Variants in RNF24 observed in about 807,000 individuals in gnomAD.
The protein encoded by RNF24 is ring finger protein 24.
In RNF24, 14 loss-of-function variants were observed where a neutral mutation model predicts 20.0. The ratio of observed to expected loss-of-function variants is 0.70; its 90% confidence interval spans 0.46 to 1.10. The LOEUF is 1.10. Among genes scored for constraint, RNF24 ranks in the 50% least tolerant of loss-of-function variants. RNF24 has a pLI of 0.00. For synonymous variants in RNF24, 45 were observed against 61.1 expected (o/e 0.74, Z 1.23); for missense variants, 124 against 177.6 (o/e 0.70, Z 1.71).
At chr20:4,009,864 A>G (rs2122164662) in intron 1 of RNF24, among the ~76,000 whole-genome samples, 1 of 152,316 alleles carries the variant, frequency 6.6e-6, no homozygotes, top group South Asian at 2.1e-4. Flanking sequence ...AAATTTTTAA[A>G]GAGTAAACAA....
At chr20:3,963,358 A>G (rs2091223519) in intron 2 of RNF24, among the ~76,000 whole-genome samples, 2 of 151,646 alleles carry the variant, frequency 1.3e-5, no homozygotes, top group Non-Finnish European at 2.9e-5. Flanking sequence ...ACGCCCAGCT[A>G]ATTTTTGTAT....
rs1159902856 is a variant in RNF24, at chr20:3,939,322, AT to A, written c.229-4250del. Among the ~76,000 whole-genome samples the A allele has an allele frequency of 1.1e-4, 16 of 152,258 alleles. No homozygotes were observed. In the South Asian group the frequency reaches 3.3e-3, roughly 32 times the overall value. ...TATGTTTATGTCTGAGAGTTTTATA[AT>A]ATTAGCTGATACATTTAGGTCTTTG... On this transcript the variant is annotated intron_variant, in intron 4 of 5. Coordinates refer to ENST00000358395, the MANE Select transcript of RNF24 (RefSeq NM_001134337.3).
At chr20:3,978,378 T>G (rs1319163581) in intron 1 of RNF24, among the ~76,000 whole-genome samples, 1 of 84,890 alleles carries the variant, frequency 1.2e-5, no homozygotes, top group Non-Finnish European at 2.7e-5. Flanking sequence ...TAATGTATAT[T>G]TCAAAATAGC....
intron 2 of RNF24, among the ~76,000 whole-genome samples, chr20:3,962,437 C>G (rs1442985735): frequency 6.6e-6 from 1 of 151,958 alleles, no homozygotes; most frequent in Non-Finnish European, 1.5e-5. Context: ...AAGTGTAACA[C>G]AAAAATATAT....
intron 1 of RNF24, among the ~76,000 whole-genome samples, chr20:4,014,801 G>A (rs1322560289): frequency 2.0e-5 from 3 of 149,812 alleles, no homozygotes; most frequent in African/African-American, 4.9e-5. Context: ...AGAAACAAAG[G>A]AGGGTCCTTA....
At chr20:3,999,038 C>T (rs576227686) in intron 1 of RNF24, among the ~76,000 whole-genome samples, 75 of 152,192 alleles carry the variant, frequency 4.9e-4, no homozygotes, top group African/African-American at 1.7e-3. Context: ...CAAGATCAGG[C>T]CACTGCACTC....
chr20:3,976,705 C>T (rs990245674), intron 1 of RNF24, among the ~76,000 whole-genome samples: 1 of 152,080 alleles, frequency 6.6e-6, no homozygotes, highest in South Asian at 2.1e-4. Context: ...TAAAAAGAAA[C>T]AAACTATTGA....
chr20:3,958,944 G>A (rs1055522916), intron 2 of RNF24, among the ~76,000 whole-genome samples: 2 of 152,082 alleles, frequency 1.3e-5, no homozygotes, highest in African/African-American at 2.4e-5. Context: ...TCCCAGCCTC[G>A]ATTTTCCTCT....
chr20:3,996,378 G>A (rs933450350), intron 1 of RNF24, among the ~76,000 whole-genome samples: 8 of 152,080 alleles, frequency 5.3e-5, no homozygotes, highest in Admixed American at 1.3e-4. Flanking sequence ...TGTAGAGATC[G>A]GATCTTGTAT....
Position 3,934,604 on chromosome 20 carries a change from T to C in RNF24, c.308+390A>G, listed in dbSNP as rs7351221. 2.6e-4 allele frequency among the ~76,000 whole-genome samples: 40 copies of C among 152,288 alleles called. No individual in the cohort carries two copies. The East Asian group carries it at 7.5e-3, about 29-fold the overall frequency. On this transcript the variant is annotated intron_variant, in intron 5 of 5. Coordinates refer to ENST00000358395, the MANE Select transcript of RNF24 (RefSeq NM_001134337.3). The surrounding 1 kb of genome is among the most constrained non-coding windows in gnomAD (Gnocchi z 4.0). ...AGAATATTAATATGTCTGCAGGAAG[T>C]GGGAGGAGAGTGCCCCACACTACCA...
intron 1 of RNF24, among the ~76,000 whole-genome samples, chr20:4,007,728 C>G (rs1407397714): frequency 7.3e-6 from 1 of 137,014 alleles, no homozygotes; most frequent in Non-Finnish European, 1.6e-5. Flanking sequence ...ATAGTGAGAC[C>G]CTGTCTCTAC....
In RNF24 at chr20:4,014,749, ACACACAC is replaced by A. The variant is rs539467472; in HGVS notation, c.-8+681_-8+687del. Reference sequence around the variant, plus strand: ...CTTTCACTTGAATGCGCACACACACACACACACACACACACACACACACACACATCAT... The same window carrying A: ...CTTTCACTTGAATGCGCACACACACAACACACACACACACACACACATCAT... On this transcript the variant is annotated intron_variant, in intron 1 of 5. Transcript: ENST00000358395. 4.5e-3 allele frequency among the ~76,000 whole-genome samples: 687 copies of A among 151,100 alleles called. 13 individuals are homozygous for A. Among genetic ancestry groups the A allele is most frequent in the Admixed American group, 0.03 (449 of 15,202 alleles).
chr20:3,929,522 G>C lies in RNF24; in HGVS notation c.*4541C>G, dbSNP rs7270329. The C allele has an allele frequency of 0.38, 58,328 of 152,302 alleles. 12,463 individuals are homozygous for C. Among genetic ancestry groups the C allele is most frequent in the Non-Finnish European group, 0.48 (32,974 of 68,106 alleles). 9.4% of individuals were successfully genotyped at this position (152,302 alleles called of 1,614,324 possible). ...AAGATGTCTGCCCCACAAAATAGAA[G>C]CCTTCAGTTGCTGCTGCTCAAACTC... On this transcript the variant is annotated 3_prime_UTR_variant, in exon 6 of 6. Coordinates refer to ENST00000358395, the MANE Select transcript of RNF24 (RefSeq NM_001134337.3).
chr20:3,935,173 C>A, intron 4 of RNF24, 100 bp from the exon 5 acceptor site: 1 of 782,722 alleles, frequency 1.3e-6, no homozygotes, highest in Non-Finnish European at 2.1e-6. Context: ...TTTGAAGGGA[C>A]TCATGAGACT....
chr20:3,959,731 CCTGA>C (rs2091180997), intron 2 of RNF24, among the ~76,000 whole-genome samples: 1 of 152,128 alleles, frequency 6.6e-6, no homozygotes, highest in South Asian at 2.1e-4. Context: ...CTATTTTGAT[CCTGA>C]CTTTCATGTT....
chr20:3,944,923 T>C (rs1456519696), intron 4 of RNF24, among the ~76,000 whole-genome samples: 1 of 152,226 alleles, frequency 6.6e-6, no homozygotes, highest in Non-Finnish European at 1.5e-5. Flanking sequence ...TCATACAGCA[T>C]GGACGGCAAG....
At chr20:4,007,810 G>T (rs1212819125) in intron 1 of RNF24, among the ~76,000 whole-genome samples, 1 of 151,616 alleles carries the variant, frequency 6.6e-6, no homozygotes, top group Non-Finnish European at 1.5e-5. Context: ...CAGCTACTTG[G>T]GAGGTTGAGG....
intron 1 of RNF24, among the ~76,000 whole-genome samples, chr20:3,973,500 C>CAAAAA (rs56824542): frequency 5.2e-4 from 53 of 101,106 alleles, no homozygotes; most frequent in East Asian, 9.9e-4. Context: ...GGAAGAATGA[C>CAAAAA]AAAAAAAAAA....
Position 3,945,770 on chromosome 20 carries a change from G to T in RNF24, c.187-552C>A, listed in dbSNP as rs556865639. Among the ~76,000 whole-genome samples the T allele has an allele frequency of 5.3e-5, 8 of 152,032 alleles. No homozygotes were observed. In the South Asian group the frequency reaches 1.7e-3, roughly 32 times the overall value. Reference sequence around the variant, plus strand: ...TAATTTTGAAAGTTTTGACTCCGTGGTGACCAGACAGTAGTTAAAATGAAT... The same window carrying T: ...TAATTTTGAAAGTTTTGACTCCGTGTTGACCAGACAGTAGTTAAAATGAAT... On this transcript the variant is annotated intron_variant, in intron 3 of 5. Coordinates refer to ENST00000358395, the MANE Select transcript of RNF24 (RefSeq NM_001134337.3).
Sources: gnomAD v4.1 joint callset for allele counts (sites outside exome capture counted in the v4.1 genomes callset) on GRCh38, gnomAD v4.1.1 for gene constraint, Gnocchi (gnomAD v3.1) non-coding constraint, MANE v1.5 for transcripts, NCBI Gene and HGNC (gene_info 2026-07-23, HGNC 2026-07-21) for gene names.